The following TRIM2 variants were observed in gnomAD, a reference collection of about 807,000 sequenced individuals.
TRIM2 encodes tripartite motif-containing protein 2.
A neutral mutation model predicts 75.2 loss-of-function variants in TRIM2; 20 were observed. That is an observed-to-expected ratio of 0.27 (90% CI 0.19 to 0.39). The LOEUF (loss-of-function observed/expected upper bound fraction) is 0.39, where lower values mean the gene tolerates loss of function less well. Among genes scored for constraint, TRIM2 ranks in the 10% least tolerant of loss-of-function variants. The pLI is 1.00. For synonymous variants in TRIM2, 373 were observed against 388.3 expected (o/e 0.96, Z 0.46); for missense variants, 660 against 990.8 (o/e 0.67, Z 4.48).
chr4:153,224,458 A>G (rs897606046), intron 1 of TRIM2, among the ~76,000 whole-genome samples: 1 of 152,140 alleles, frequency 6.6e-6, no homozygotes, highest in Non-Finnish European at 1.5e-5. Flanking sequence ...TGCCCTCATT[A>G]ACTCATTCTT....
intron 6 of TRIM2, among the ~76,000 whole-genome samples, chr4:153,297,286 T>G (rs1280974000): frequency 6.6e-6 from 1 of 152,186 alleles, no homozygotes; most frequent in Non-Finnish European, 1.5e-5. Flanking sequence ...CAGGGGTTGT[T>G]GATTCTCCAC....
intron 8 of TRIM2, among the ~76,000 whole-genome samples, chr4:153,321,847 T>G (rs1278700399): frequency 6.6e-6 from 1 of 152,224 alleles, no homozygotes; most frequent in Non-Finnish European, 1.5e-5. Flanking sequence ...TACCTTATTT[T>G]ACTTAATACA....
intron 1 of TRIM2, chr4:153,222,571 A>C (rs1248779928): frequency 1.3e-5 from 2 of 152,082 alleles, no homozygotes; most frequent in African/African-American, 2.4e-5. Flanking sequence ...CGGGCCTGAA[A>C]ATGCTGCGAG....
chr4:153,268,426 C>T (rs1384037531), intron 1 of TRIM2, among the ~76,000 whole-genome samples: 2 of 152,162 alleles, frequency 1.3e-5, no homozygotes, highest in African/African-American at 2.4e-5. Flanking sequence ...TTAACCTATG[C>T]CCGGGAATGA....
chr4:153,239,145 G>A (rs930919997), intron 1 of TRIM2, among the ~76,000 whole-genome samples: 21 of 152,270 alleles, frequency 1.4e-4, no homozygotes, highest in Non-Finnish European at 2.2e-4. Flanking sequence ...GAGGTCAGAT[G>A]ATCGAGACCA....
chr4:153,270,407 A>G lies in TRIM2; in HGVS notation c.103A>G (p.Ile35Val). The change falls in exon 2 of 12, where the codon ATC becomes GTC. Residue 35 changes from isoleucine to valine, a missense_variant. This residue lies in a region of TRIM2 where 620 missense variants were observed against 891.0 expected (regional missense o/e 0.70). Coordinates refer to ENST00000338700, the MANE Select transcript of TRIM2 (RefSeq NM_015271.5). Reference protein sequence around the residue: ...WSRMASEGTNIPSPVVRQIDK... With the variant: ...WSRMASEGTNVPSPVVRQIDK... ...TAGGATGGCCAGTGAAGGCACCAAC[A>G]TCCCAAGTCCTGTGGTGCGCCAGAT... 6.2e-7 allele frequency: 1 copy of G among 1,614,070 alleles called. No homozygotes were observed. Among genetic ancestry groups the G allele is most frequent in the Non-Finnish European group, 8.5e-7 (1 of 1,179,978 alleles).
intron 6 of TRIM2, chr4:153,307,737 C>T: frequency 1.6e-6 from 1 of 627,082 alleles, no homozygotes; most frequent in Non-Finnish European, 3.0e-6. Flanking sequence ...AGCACCATTT[C>T]TGGACGCTCG....
chr4:153,213,851 G>A (rs1437870832), intron 1 of TRIM2, among the ~76,000 whole-genome samples: 1 of 152,068 alleles, frequency 6.6e-6, no homozygotes, highest in Non-Finnish European at 1.5e-5. Context: ...ACTATTTAAC[G>A]AATTTAATCT....
At chr4:153,321,130 G>A (rs780734869) in intron 8 of TRIM2, among the ~76,000 whole-genome samples, 2 of 152,098 alleles carry the variant, frequency 1.3e-5, no homozygotes, top group Non-Finnish European at 2.9e-5. Context: ...TTCTGAGATG[G>A]CCTAATTGAA....
intron 1 of TRIM2, among the ~76,000 whole-genome samples, chr4:153,244,597 C>T (rs1046418019): frequency 6.6e-6 from 1 of 151,374 alleles, no homozygotes. Flanking sequence ...AAATTTGATT[C>T]TTGGAATGGA....
intron 6 of TRIM2, among the ~76,000 whole-genome samples, chr4:153,313,621 A>C (rs1004461778): frequency 4.1e-5 from 6 of 147,110 alleles, no homozygotes; most frequent in Non-Finnish European, 8.9e-5. Flanking sequence ...CAAAATAGCA[A>C]TGGCTCTTTT....
intron 2 of TRIM2, among the ~76,000 whole-genome samples, chr4:153,271,459 A>G: frequency 6.6e-6 from 1 of 152,144 alleles, no homozygotes; most frequent in South Asian, 2.1e-4. Context: ...TTACTTTGCA[A>G]GGTTCAATTG....
At chr4:153,326,220 T>C (rs1340574063) in intron 10 of TRIM2, among the ~76,000 whole-genome samples, 4 of 152,246 alleles carry the variant, frequency 2.6e-5, no homozygotes, top group Admixed American at 6.5e-5. Flanking sequence ...AGTAATTAAA[T>C]GGCATTTTAG....
chr4:153,336,807 A>G lies in TRIM2; in HGVS notation c.*1841A>G. 2 of 985,642 alleles carry G rather than the reference A, an allele frequency of 2.0e-6. No homozygotes were observed. The highest frequency in any genetic ancestry group is 2.4e-6 in the Non-Finnish European group (2 of 829,710). 61.1% of individuals were successfully genotyped at this position (985,642 alleles called of 1,614,324 possible). ...TCAACCTCTGAAAAAAGGTTTTTCC[A>G]GGAAGATTTACATTTAGGTTTAATA... On this transcript the variant is annotated 3_prime_UTR_variant, in exon 12 of 12. Transcript: ENST00000338700.
intron 1 of TRIM2, among the ~76,000 whole-genome samples, chr4:153,265,337 T>TG (rs1261898807): frequency 1.4e-5 from 2 of 140,468 alleles, no homozygotes; most frequent in Admixed American, 1.4e-4. Context: ...TTGTTTTTTG[T>TG]GTTTTTTTTT....
intron 8 of TRIM2, among the ~76,000 whole-genome samples, chr4:153,321,092 G>T (rs1768869316): frequency 6.6e-6 from 1 of 152,094 alleles, no homozygotes; most frequent in African/African-American, 2.4e-5. Flanking sequence ...GTCTGCTGTG[G>T]CGTCATCAAG....
At chr4:153,244,055 A>G (rs951358954) in intron 1 of TRIM2, among the ~76,000 whole-genome samples, 8 of 151,942 alleles carry the variant, frequency 5.3e-5, no homozygotes, top group Non-Finnish European at 1.0e-4. Flanking sequence ...CCTAGCTTCA[A>G]GCAATACTCT....
At chr4:153,243,331 G>A (rs1038638554) in intron 1 of TRIM2, among the ~76,000 whole-genome samples, 5 of 152,222 alleles carry the variant, frequency 3.3e-5, no homozygotes, top group African/African-American at 1.2e-4. Context: ...TCCACATGAA[G>A]GGGTGACTCT....
intron 1 of TRIM2, among the ~76,000 whole-genome samples, chr4:153,170,759 C>G (rs1437589796): frequency 1.3e-5 from 2 of 152,166 alleles, no homozygotes; most frequent in African/African-American, 2.4e-5. Context: ...GTAAAAACAG[C>G]TGTCCCTTTG....
Sources: gnomAD v4.1 joint callset for allele counts (sites outside exome capture counted in the v4.1 genomes callset) on GRCh38, gnomAD v4.1.1 for gene constraint, gnomAD v4.1.1 regional missense constraint, MANE v1.5 for transcripts, NCBI Gene and HGNC (gene_info 2026-07-23, HGNC 2026-07-21) for gene names.